Variants in LARGE1 observed in about 807,000 individuals in gnomAD.
LARGE1 encodes xylosyl- and glucuronyltransferase LARGE1.
In LARGE1, 43 loss-of-function variants were observed where a neutral mutation model predicts 87.6. That is an observed-to-expected ratio of 0.49 (90% CI 0.38 to 0.63). The LOEUF is 0.63. Ranked by LOEUF, LARGE1 falls within the 30% of genes least tolerant of loss-of-function variation. The pLI, the probability that LARGE1 is intolerant of heterozygous loss-of-function variation, is 0.00. For synonymous variants in LARGE1, 434 were observed against 394.6 expected, an observed-to-expected ratio of 1.10 and a Z score of -1.18; for missense variants, 802 against 1,000.2, an observed-to-expected ratio of 0.80 and a Z score of 2.67.
chr22:33,782,103 C>A (rs576624276), intron 1 of LARGE1, among the ~76,000 whole-genome samples: 1 of 152,136 alleles, frequency 6.6e-6, no homozygotes, highest in Non-Finnish European at 1.5e-5. Flanking sequence ...AGCCAGAGGG[C>A]AAAGGATAGA....
chr22:33,638,178 G>A (rs73400712), intron 3 of LARGE1, among the ~76,000 whole-genome samples: 8,809 of 152,252 alleles, frequency 0.058, 778 homozygotes, highest in African/African-American at 0.2. Context: ...CGCCTTCACT[G>A]CTGGGTTATT....
intron 6 of LARGE1, among the ~76,000 whole-genome samples, chr22:33,472,988 G>A (rs1490565479): frequency 6.6e-6 from 1 of 152,176 alleles, no homozygotes; most frequent in African/African-American, 2.4e-5. Flanking sequence ...CTAGAGCACT[G>A]GGGTGGTCAA....
In LARGE1 at chr22:33,418,943, G is replaced by C. The variant is rs780218246; in HGVS notation, c.892+13218C>G. ...AGAGGGCATGGAGGGAAGAAAGCGA[G>C]GGCACTTGGGGTCTGAACACCTGAA... On this transcript the variant is annotated intron_variant, in intron 7 of 14. Transcript: ENST00000397394. 7.9e-5 allele frequency among the ~76,000 whole-genome samples: 12 copies of C among 152,250 alleles called. No individual in the cohort carries two copies. In the South Asian group the frequency reaches 1.0e-3, roughly 13 times the overall value.
At chr22:33,225,727 C>G (rs1925700242) in intron 11 of LARGE1, among the ~76,000 whole-genome samples, 2 of 152,106 alleles carry the variant, frequency 1.3e-5, no homozygotes, top group Admixed American at 1.3e-4. Context: ...CCACCCTCAA[C>G]TAGGCCCCAC....
In LARGE1 at chr22:33,634,280, G is replaced by A. The variant is rs533540321; in HGVS notation, c.409-7954C>T. On this transcript the variant is annotated intron_variant, in intron 3 of 14. Transcript: ENST00000397394. Reference sequence around the variant, plus strand: ...CTGGAGGGGCTTGTTACAACAGAGTGCGGACTCCTCCCCAGTTTCTGATCC... The same window carrying A: ...CTGGAGGGGCTTGTTACAACAGAGTACGGACTCCTCCCCAGTTTCTGATCC... Among the ~76,000 whole-genome samples, 48 of 152,282 alleles carry A rather than the reference G, an allele frequency of 3.2e-4. 2 individuals are homozygous for A. The South Asian group carries it at 8.3e-3, about 26-fold the overall frequency.
intron 2 of LARGE1, among the ~76,000 whole-genome samples, chr22:33,711,504 G>A (rs1010667189): frequency 4.6e-5 from 7 of 152,222 alleles, no homozygotes; most frequent in Non-Finnish European, 1.0e-4. Context: ...GAAGTTAGGT[G>A]AGCTGCCCAC....
intron 6 of LARGE1, among the ~76,000 whole-genome samples, chr22:33,473,350 T>C (rs1196717076): frequency 6.6e-6 from 1 of 152,012 alleles, no homozygotes; most frequent in Non-Finnish European, 1.5e-5. Context: ...TTTTATTTTT[T>C]ATTTTTTTTA....
intron 6 of LARGE1, 129 bp downstream of exon 6, chr22:33,564,719 A>T: frequency 1.1e-6 from 1 of 875,532 alleles, no homozygotes; most frequent in African/African-American, 1.6e-5. Flanking sequence ...CATATTTGTA[A>T]TTCCTCACCC....
intron 2 of LARGE1, among the ~76,000 whole-genome samples, chr22:33,756,666 C>G (rs454267): frequency 0.59 from 88,968 of 151,836 alleles, 26,096 homozygotes; most frequent in East Asian, 0.67. Flanking sequence ...CCAGATAATG[C>G]GAGGCAGTAT....
At chr22:33,226,885 G>A (rs1302188267) in intron 11 of LARGE1, among the ~76,000 whole-genome samples, 5 of 151,944 alleles carry the variant, frequency 3.3e-5, no homozygotes, top group East Asian at 3.9e-4. Context: ...GCCTGCCGCC[G>A]CGCCTGGCTA....
intron 2 of LARGE1, among the ~76,000 whole-genome samples, chr22:33,705,091 C>A (rs1183664628): frequency 1.3e-5 from 2 of 152,204 alleles, no homozygotes; most frequent in African/African-American, 2.4e-5. Context: ...CCATGGTGCA[C>A]CCCATAAATT....
chr22:33,465,236 C>G (rs1601959806), intron 6 of LARGE1, among the ~76,000 whole-genome samples: 1 of 152,172 alleles, frequency 6.6e-6, no homozygotes. Flanking sequence ...CTGTATAAAG[C>G]TAAAAGAGGC....
chr22:33,254,210 G>A (rs1927146324), intron 11 of LARGE1, among the ~76,000 whole-genome samples: 1 of 152,192 alleles, frequency 6.6e-6, no homozygotes. Context: ...TCCTATTGAA[G>A]GTTTTTGGCC....
intron 11 of LARGE1, among the ~76,000 whole-genome samples, chr22:33,225,812 T>C (rs1925706108): frequency 6.6e-6 from 1 of 152,256 alleles, no homozygotes; most frequent in African/African-American, 2.4e-5. Context: ...ACATGTGGTA[T>C]TCTATTTTCT....
intron 7 of LARGE1, among the ~76,000 whole-genome samples, chr22:33,394,631 G>A (rs1019658661): frequency 2.6e-5 from 4 of 151,924 alleles, no homozygotes; most frequent in African/African-American, 7.3e-5. Context: ...TATAACTAAC[G>A]TGTGGTAAAA....
At chr22:33,722,300 G>T (rs1569404474) in intron 2 of LARGE1, among the ~76,000 whole-genome samples, 1 of 143,750 alleles carries the variant, frequency 7.0e-6, no homozygotes, top group Non-Finnish European at 1.5e-5. Flanking sequence ...GGGAGAGGAG[G>T]GAGAGGGAGA....
chr22:33,631,871 CATG>C (rs1478190185), intron 3 of LARGE1, among the ~76,000 whole-genome samples: 1 of 152,164 alleles, frequency 6.6e-6, no homozygotes, highest in African/African-American at 2.4e-5. Flanking sequence ...ATGTGTTGCA[CATG>C]ATGTTAGGAT....
chr22:33,755,173 G>A (rs1450768223), intron 2 of LARGE1, among the ~76,000 whole-genome samples: 1 of 152,182 alleles, frequency 6.6e-6, no homozygotes, highest in Non-Finnish European at 1.5e-5. Flanking sequence ...TCATTTCAGA[G>A]GGGGTTCATG....
chr22:33,804,555 T>C (rs1397764945), intron 1 of LARGE1, among the ~76,000 whole-genome samples: 1 of 152,162 alleles, frequency 6.6e-6, no homozygotes, highest in Non-Finnish European at 1.5e-5. Context: ...AACACACACT[T>C]ACCAGGCACA....
Sources: allele counts gnomAD v4.1 joint callset (sites outside exome capture counted in the v4.1 genomes callset), GRCh38; gene constraint gnomAD v4.1.1; transcripts MANE v1.5; gene names NCBI Gene and HGNC (gene_info 2026-07-23, HGNC 2026-07-21).